Variants in SACS observed in about 807,000 individuals in gnomAD.
The protein encoded by SACS is sacsin molecular chaperone, also known as sacsin.
A neutral mutation model predicts 348.0 loss-of-function variants in SACS; 197 were observed. That is an observed-to-expected ratio of 0.57 (90% confidence interval 0.50 to 0.64). SACS has a LOEUF of 0.64. SACS is among the 30% of genes least tolerant of loss of function. The pLI is 0.00. For synonymous variants in SACS, 1,985 were observed against 1,910.6 expected, an observed-to-expected ratio of 1.04 and a Z score of -1.02; for missense variants, 4,999 against 5,360.8, an observed-to-expected ratio of 0.93 and a Z score of 2.11.
intron 2 of SACS, among the ~76,000 whole-genome samples, chr13:23,386,183 G>A (rs1156849875): frequency 1.3e-5 from 2 of 152,210 alleles, no homozygotes; most frequent in African/African-American, 4.8e-5. Context: ...TTTGAAGCTA[G>A]GCATTTATTT....
chr13:23,406,502 C>T (rs995234811), intron 2 of SACS, among the ~76,000 whole-genome samples: 1 of 150,172 alleles, frequency 6.7e-6, no homozygotes, highest in Non-Finnish European at 1.5e-5. Context: ...ACGTTCTGCA[C>T]ATGTATCCCA....
chr13:23,336,953 A>G lies in SACS; in HGVS notation c.6923T>C (p.Ile2308Thr). ...GGTGATATTCTCCTGGTACAGTGTA[A>G]TTCCATCATCAACTGATTTTGCTAC... ...KEVAKSVDDG[I>T]TLYQENITNA... Residue 2308 changes from isoleucine to threonine, a missense_variant, in exon 10 of 10, where the codon ATT (isoleucine) becomes ACT (threonine). Around this residue, in one of 6 missense-constraint regions of SACS, gnomAD observed 3,156 missense variants for 3,380.1 expected, o/e 0.93. Transcript: ENST00000382292. The G allele has an allele frequency of 6.2e-7, 1 of 1,613,970 alleles. No individual in the cohort carries two copies. The highest frequency in any genetic ancestry group is 8.5e-7 in the Non-Finnish European group (1 of 1,179,902).
chr13:23,355,656 T>C lies in SACS; in HGVS notation c.956A>G (p.Tyr319Cys). 6.2e-7 allele frequency: 1 copy of C among 1,614,126 alleles called. No homozygotes were observed. ...FLKSVQDVSL[Y>C]VREADGTEKL... ...CTCTGTTCCGTCAGCCTCTCGGACA[T>C]ATAAGGAAACATCCTGCACACTTTT... is the stretch of plus-strand genomic sequence containing the variant. Residue 319 changes from tyrosine (Y) to cysteine (C), a missense_variant, in exon 8 of 10, where the codon TAT (tyrosine) becomes TGT (cysteine). Physicochemically the swap from Tyr to Cys is radical, Grantham distance 194. Around this residue, in one of 6 missense-constraint regions of SACS, gnomAD observed 3,156 missense variants for 3,380.1 expected, o/e 0.93. Coordinates refer to ENST00000382292, the MANE Select transcript of SACS (RefSeq NM_014363.6).
rs191370717 is a variant in SACS at position 23,428,648 on chromosome 13, T to C, written c.-502+4967A>G. The C allele has an allele frequency of 1.8e-4, 28 of 152,320 alleles. No homozygotes were observed. The East Asian group carries it at 5.2e-3, about 28-fold the overall frequency. 9.4% of individuals were successfully genotyped at this position (152,320 alleles called of 1,614,324 possible). A position where few individuals can be genotyped will look rare whatever the true frequency, so the allele number is the denominator to read the frequency against. On this transcript the variant is annotated intron_variant, in intron 1 of 9. Transcript: ENST00000382292. ...GTGCTACTGATCTTTTGTGTGTGTG[T>C]AATAAAGATTTCGATGTAAAATGTA...
Position 23,338,673 on chromosome 13 carries a change from C to T in SACS, c.5203G>A (p.Ala1735Thr), listed in dbSNP as rs750718105. The change falls in exon 10 of 10, where the codon GCT (alanine) becomes ACT (threonine). Residue 1735 changes from alanine (A) to threonine (T), a missense_variant. Ala to Thr is a moderately conservative substitution (Grantham distance 58). Transcript: ENST00000382292. ...CTGCAAGTCTTCATGAGCTTAGCAG[C>T]CTCTTTTAAAACACTTAAGACAGGT... ...NTPVLSVLKE[A>T]AKLMKTCSSS... 2 of 1,613,932 alleles carry T rather than the reference C, an allele frequency of 1.2e-6. No homozygotes were observed. The highest frequency in any genetic ancestry group is 2.7e-5 in the African/African-American group (2 of 74,916).
intron 2 of SACS, among the ~76,000 whole-genome samples, chr13:23,403,589 T>C (rs1032736082): frequency 6.6e-6 from 1 of 152,226 alleles, no homozygotes; most frequent in Non-Finnish European, 1.5e-5. Context: ...GTGGGATCAG[T>C]GGTGATATTC....
chr13:23,337,426 CTG>C lies in SACS; in HGVS notation c.6448_6449del (p.Gln2150ValfsTer7). ...LNPIILIKLV[Q>X]LGMAKDDILW... Reference sequence around the variant, plus strand: ...AAATATCATCTTTTGCCATACCTAACTGAACTAGTTTAATCAAAATAATAGGA... The same window carrying C: ...AAATATCATCTTTTGCCATACCTAACAACTAGTTTAATCAAAATAATAGGA... On this transcript the variant is annotated frameshift_variant, in exon 10 of 10. Transcript: ENST00000382292. LOFTEE classifies it high-confidence loss of function. 1.2e-6 allele frequency: 2 copies of C among 1,612,636 alleles called. No individual in the cohort carries two copies. Among genetic ancestry groups the C allele is most frequent in the Non-Finnish European group, 1.7e-6 (2 of 1,179,348 alleles).
chr13:23,351,177 TATC>T (rs1372905118), intron 9 of SACS, among the ~76,000 whole-genome samples: 5 of 152,240 alleles, frequency 3.3e-5, no homozygotes, highest in African/African-American at 1.2e-4. Context: ...TAAGGCCCTA[TATC>T]ATCATGCTCT....
At chr13:23,383,060 G>A (rs2137872527) in intron 2 of SACS, among the ~76,000 whole-genome samples, 1 of 150,158 alleles carries the variant, frequency 6.7e-6, no homozygotes, top group East Asian at 2.0e-4. Context: ...AAACTGTGAT[G>A]TGTATGTTTG....
rs770840094 is a variant in SACS, at chr13:23,332,010, C to T, written c.11866G>A (p.Gly3956Arg). The stretch of plus-strand genomic sequence containing the variant: ...AGCATTATCAACTTAGTGTGAAATC[C>T]ATGGTCTTTCCCTAAGTAGCACTGG... ...LSQCYLGKDH[G>R]FHTKLIMLFP... Residue 3956 changes from glycine (G) to arginine (R), a missense_variant, in exon 10 of 10, where the codon GGA becomes AGA. Gly to Arg is a moderately radical substitution (Grantham distance 125, BLOSUM62 -2). Transcript: ENST00000382292. 6.2e-7 allele frequency: 1 copy of T among 1,614,042 alleles called. No homozygotes were observed. The highest frequency in any genetic ancestry group is 8.5e-7 in the Non-Finnish European group (1 of 1,179,956).
chr13:23,358,587 AGAG>A (rs756746681), intron 6 of SACS, 106 bp from the exon 7 acceptor site: 1 of 1,217,112 alleles, frequency 8.2e-7, no homozygotes, highest in Non-Finnish European at 1.2e-6. Context: ...GGGAAAATAG[AGAG>A]GAGTGAATAG....
chr13:23,332,027 T>C lies in SACS; in HGVS notation c.11849A>G (p.Tyr3950Cys), dbSNP rs1431423563. ...VQMLVDLSQC[Y>C]LGKDHGFHTK... ...GTGAAATCCATGGTCTTTCCCTAAG[T>C]AGCACTGGCTGAGATCAACTAACAT... Residue 3950 changes from tyrosine to cysteine, a missense_variant, in exon 10 of 10, where the codon TAC becomes TGC. Physicochemically the swap from Tyr to Cys is radical, Grantham distance 194 (BLOSUM62 -2). Transcript: ENST00000382292. The C allele has an allele frequency of 6.2e-7, 1 of 1,614,004 alleles. No individual in the cohort carries two copies. The highest frequency in any genetic ancestry group is 1.3e-5 in the African/African-American group (1 of 74,932).
At chr13:23,364,037 A>G (rs1044228574) in intron 6 of SACS, among the ~76,000 whole-genome samples, 8 of 152,218 alleles carry the variant, frequency 5.3e-5, no homozygotes, top group African/African-American at 1.9e-4. Context: ...AGCAGCAGTC[A>G]GGACTAGAAC....
chr13:23,331,282 C>A lies in SACS; in HGVS notation c.12594G>T (p.Gln4198His). 1 of 1,613,952 alleles carries A rather than the reference C, an allele frequency of 6.2e-7. No individual in the cohort carries two copies. Among genetic ancestry groups the A allele is most frequent in the South Asian group, 1.1e-5 (1 of 91,084 alleles). ...CAATAATTGCATATGTGTATGTTGG[C>A]TGGTATGATCCATAGATATCACCAC... is the stretch of plus-strand genomic sequence containing the variant. ...AEGGDIYGSY[Q>H]PTYTYAIIVQ... Residue 4198 changes from glutamine (Q) to histidine (H), a missense_variant, in exon 10 of 10, where the codon CAG becomes CAT. Around this residue, in one of 6 missense-constraint regions of SACS, gnomAD observed 831 missense variants for 941.8 expected, o/e 0.88. Coordinates refer to ENST00000382292, the MANE Select transcript of SACS (RefSeq NM_014363.6).
Position 23,329,492 on chromosome 13 carries a change from C to T in SACS, c.*644G>A, listed in dbSNP as rs751568747. The T allele has an allele frequency of 1.8e-4, 137 of 749,792 alleles. 1 individual carries two copies. In the Admixed American group the frequency reaches 2.6e-3, roughly 14 times the overall value. 46.4% of individuals were successfully genotyped at this position (749,792 alleles called of 1,614,324 possible). On this transcript the variant is annotated 3_prime_UTR_variant, in exon 10 of 10. Coordinates refer to ENST00000382292, the MANE Select transcript of SACS (RefSeq NM_014363.6). ...CTTCATCAAACAGGAAGCCTGTAAA[C>T]ATAAGATGTTAAAAAAAAATTTAAA...
chr13:23,432,370 A>G (rs1874464492), intron 1 of SACS, among the ~76,000 whole-genome samples: 1 of 152,184 alleles, frequency 6.6e-6, no homozygotes, highest in Non-Finnish European at 1.5e-5. Flanking sequence ...GGAGTCTTTA[A>G]GATCCAAGGA....
At chr13:23,411,155 G>C in intron 2 of SACS, 65 bp downstream of exon 2, 1 of 1,418,574 alleles carries the variant, frequency 7.0e-7, no homozygotes, top group East Asian at 2.3e-5. Context: ...TTTCATTTGG[G>C]AAAATCCAAC....
At chr13:23,398,957 GTTGCAGTGAGCCGAGA>G (rs1437329194) in intron 2 of SACS, among the ~76,000 whole-genome samples, 1 of 144,512 alleles carries the variant, frequency 6.9e-6, no homozygotes, top group East Asian at 2.2e-4. Context: ...GGAGGCAGAG[GTTGCAGTGAGCCGAGA>G]TTGCGCCACT....
In SACS at chr13:23,354,949, C is replaced by A. The variant is rs868218305; in HGVS notation, c.1663G>T (p.Glu555Ter). The A allele has an allele frequency of 6.2e-7, 1 of 1,614,212 alleles. No individual in the cohort carries two copies. The highest frequency in any genetic ancestry group is 1.7e-5 in the Admixed American group (1 of 60,024). Reference protein sequence around the residue: ...WQPVLEPLFSELLQNAVIYSI... With the variant: ...WQPVLEPLFS ...TAAATCACTGCATTCTGCAACAGCT[C>A]GCTGAATAGAGGCTCTAACACCGGT... The change falls in exon 8 of 10, where the codon GAG becomes TAG. Residue 555 changes from glutamate (E) to a stop codon, truncating the protein, a stop_gained. Coordinates refer to ENST00000382292, the MANE Select transcript of SACS (RefSeq NM_014363.6). LOFTEE classifies it high-confidence loss of function.
Sources: allele counts gnomAD v4.1 joint callset (sites outside exome capture counted in the v4.1 genomes callset), GRCh38; gene constraint gnomAD v4.1.1; regional missense constraint gnomAD v4.1.1; transcripts MANE v1.5; gene names NCBI Gene and HGNC (gene_info 2026-07-23, HGNC 2026-07-21).